Variants in FMO4 observed in about 807,000 individuals in gnomAD.
FMO4 encodes the protein flavin containing dimethylaniline monoxygenase 4.
In FMO4, 38 loss-of-function variants were observed where a neutral mutation model predicts 43.3. That is an observed-to-expected ratio of 0.88 (90% CI 0.68 to 1.15). The LOEUF (loss-of-function observed/expected upper bound fraction) is 1.15. Among genes scored for constraint, FMO4 ranks in the 50% most tolerant of loss-of-function variants. The pLI is 0.00. For synonymous variants in FMO4, 224 were observed against 232.2 expected (o/e 0.96, Z 0.32); for missense variants, 631 against 663.3 (o/e 0.95, Z 0.54).
intron 5 of FMO4, 49 bp downstream of exon 5, chr1:171,324,349 G>C: frequency 7.0e-7 from 1 of 1,437,884 alleles, no homozygotes; most frequent in Admixed American, 2.3e-5. Flanking sequence ...GGTTCTTCTA[G>C]AAGTAAACTT....
In FMO4 at chr1:171,331,794, C is replaced by G; in HGVS notation, c.627+12C>G. The G allele has an allele frequency of 6.2e-7, 1 of 1,612,532 alleles. No individual in the cohort carries two copies. The highest frequency in any genetic ancestry group is 8.5e-7 in the Non-Finnish European group (1 of 1,178,824). ...GAACGGCAGCTCAGGTACATCATCT[C>G]TGAATTAATGCCCCTAATCCCATCA... On this transcript the variant is annotated intron_variant, in intron 6 of 9. Transcript: ENST00000367749.
At chr1:171,335,245 G>A (rs775788077) in intron 8 of FMO4, among the ~76,000 whole-genome samples, 8 of 152,148 alleles carry the variant, frequency 5.3e-5, no homozygotes, top group Non-Finnish European at 1.0e-4. Context: ...TCAGAGCTAC[G>A]GAGGTCCAAT....
intron 3 of FMO4, among the ~76,000 whole-genome samples, chr1:171,321,025 C>T (rs1662402463): frequency 2.0e-5 from 3 of 151,640 alleles, no homozygotes; most frequent in African/African-American, 7.3e-5. Flanking sequence ...GTAACCATAA[C>T]CCTAGGATTA....
chr1:171,319,793 G>T, intron 2 of FMO4, 25 bp from the exon 3 acceptor site: 1 of 1,609,814 alleles, frequency 6.2e-7, no homozygotes, highest in Non-Finnish European at 8.5e-7. Flanking sequence ...AAATAAAGAA[G>T]TTCTGCTTGA....
Position 171,337,487 on chromosome 1 carries a change from C to A in FMO4, c.1250+62C>A, listed in dbSNP as rs567230609. 98 of 1,192,784 alleles carry A rather than the reference C, an allele frequency of 8.2e-5. No individual in the cohort carries two copies. In the South Asian group the frequency reaches 1.2e-3, roughly 14 times the overall value. The allele number at this position is 1,192,784 out of a possible 1,614,324, so 73.9% of individuals were successfully genotyped here. A position where few individuals can be genotyped will look rare whatever the true frequency, so the allele number is the denominator to read the frequency against. On this transcript the variant is annotated intron_variant, in intron 9 of 9. Coordinates refer to ENST00000367749, the MANE Select transcript of FMO4 (RefSeq NM_002022.3). ...TATATTCTGTTACAAAAAAAGGATT[C>A]AGAGTATAAAAGCCATTCCTAGAGA...
chr1:171,320,381 T>A (rs1175627594), intron 3 of FMO4, among the ~76,000 whole-genome samples: 3 of 151,980 alleles, frequency 2.0e-5, no homozygotes, highest in East Asian at 3.9e-4. Context: ...ATTGTTCAGG[T>A]CTTTAGGAAC....
intron 2 of FMO4, among the ~76,000 whole-genome samples, chr1:171,317,855 T>C (rs1662258476): frequency 6.6e-6 from 1 of 152,174 alleles, no homozygotes; most frequent in Non-Finnish European, 1.5e-5. Context: ...TCTAAATGCT[T>C]TGAATCAAAA....
At chr1:171,316,448 A>G (rs1247092901) in intron 2 of FMO4, 121 bp downstream of exon 2, 2 of 152,250 alleles carry the variant, frequency 1.3e-5, no homozygotes, top group Non-Finnish European at 2.9e-5. Flanking sequence ...AACACTGAGT[A>G]AATATTTTGT....
In FMO4 at chr1:171,322,802, A is replaced by C. The variant is rs1399420469; in HGVS notation, c.133-202A>C. Among the ~76,000 whole-genome samples, 6 of 152,208 alleles carry C rather than the reference A, an allele frequency of 3.9e-5. No individual in the cohort carries two copies. In the East Asian group the frequency reaches 1.2e-3, roughly 29 times the overall value. On this transcript the variant is annotated intron_variant, in intron 3 of 9. Transcript: ENST00000367749. ...CGGGAGGCAGAGTTTGCAGTGAGTCAAAATCGCACCACTGCACTCTAGCCT... is the reference window on the plus strand; with the variant it reads ...CGGGAGGCAGAGTTTGCAGTGAGTCCAAATCGCACCACTGCACTCTAGCCT...
chr1:171,330,569 A>AAG (rs1200749623), intron 5 of FMO4, among the ~76,000 whole-genome samples: 1 of 152,208 alleles, frequency 6.6e-6, no homozygotes, highest in Non-Finnish European at 1.5e-5. Context: ...GGTGGCAGGC[A>AAG]AGAGAGAGAG....
At position 171,316,820 on chromosome 1, in the gene FMO4, C is replaced by T. The variant is rs182952387; in HGVS notation, c.-9+493C>T. 8.5e-5 allele frequency among the ~76,000 whole-genome samples: 13 copies of T among 152,328 alleles called. No individual in the cohort carries two copies. The East Asian group carries it at 2.3e-3, about 27-fold the overall frequency. Reference sequence around the variant, plus strand: ...GCAGCCCTAGGAAATCCTTCTGATCCTCATTGCAAGTTCATGAATCTGCCT... The same window carrying T: ...GCAGCCCTAGGAAATCCTTCTGATCTTCATTGCAAGTTCATGAATCTGCCT... On this transcript the variant is annotated intron_variant, in intron 2 of 9. Coordinates refer to ENST00000367749, the MANE Select transcript of FMO4 (RefSeq NM_002022.3).
rs529964492 is a variant in FMO4, at chr1:171,332,888, T to C, written c.807T>C (p.Tyr269=). ...KLNKRFNHED[Y]GLSITKGKKA... ...ATAAGAGATTTAATCATGAGGATTA[T>C]GGATTAAGTATTACCAAAGGGTACT... Residue 269 remains tyrosine, a synonymous_variant, in exon 7 of 10, where the codon TAT becomes TAC. Coordinates refer to ENST00000367749, the MANE Select transcript of FMO4 (RefSeq NM_002022.3). The C allele has an allele frequency of 1.4e-6, 2 of 1,434,252 alleles. No individual in the cohort carries two copies. Among genetic ancestry groups the C allele is most frequent in the Middle Eastern group, 1.8e-4 (1 of 5,684 alleles). The allele number at this position is 1,434,252 out of a possible 1,614,324, so 88.8% of individuals were successfully genotyped here. A position where few individuals can be genotyped will look rare whatever the true frequency, so the allele number is the denominator to read the frequency against.
chr1:171,317,822 C>G (rs536887910), intron 2 of FMO4, among the ~76,000 whole-genome samples: 4 of 152,252 alleles, frequency 2.6e-5, no homozygotes, highest in South Asian at 2.1e-4. Flanking sequence ...AAGGCATGAC[C>G]GTGACCAGCT....
Position 171,334,518 on chromosome 1 carries a change from T to C in FMO4, c.935T>C (p.Phe312Ser), listed in dbSNP as rs1204618287. Residue 312 changes from phenylalanine to serine, a missense_variant, in exon 8 of 10, where the codon TTT becomes TCT. Physicochemically the swap from Phe to Ser is radical, Grantham distance 155. Transcript: ENST00000367749. ...VIEFTETSAV[F>S]EDGTVEENID... ...GAATTTACAGAAACCTCTGCTGTCT[T>C]TGAAGATGGGACAGTGGAAGAAAAC... is the stretch of plus-strand genomic sequence containing the variant. 1 of 1,613,750 alleles carries C rather than the reference T, an allele frequency of 6.2e-7. No individual in the cohort carries two copies. The highest frequency in any genetic ancestry group is 8.5e-7 in the Non-Finnish European group (1 of 1,179,674).
At chr1:171,315,798 G>T (rs1662174375) in intron 1 of FMO4, among the ~76,000 whole-genome samples, 1 of 152,068 alleles carries the variant, frequency 6.6e-6, no homozygotes, top group Non-Finnish European at 1.5e-5. Flanking sequence ...AAGTGCTTTT[G>T]CCCAGCACGT....
intron 5 of FMO4, 83 bp from the exon 6 acceptor site, chr1:171,331,557 C>G (rs1406423471): frequency 7.2e-7 from 1 of 1,392,234 alleles, no homozygotes; most frequent in Admixed American, 1.8e-5. Context: ...TGGGACTTCC[C>G]TTTTTCCACA....
chr1:171,326,070 A>G (rs1006489504), intron 5 of FMO4, among the ~76,000 whole-genome samples: 1 of 149,906 alleles, frequency 6.7e-6, no homozygotes, highest in African/African-American at 2.4e-5. Context: ...CTGGTTTCAA[A>G]CTCCTGGGCT....
At chr1:171,325,330 C>T (rs1246242151) in intron 5 of FMO4, among the ~76,000 whole-genome samples, 1 of 152,052 alleles carries the variant, frequency 6.6e-6, no homozygotes, top group Non-Finnish European at 1.5e-5. Flanking sequence ...TAAAATTAAT[C>T]AATTGAGGAT....
chr1:171,337,397 G>A lies in FMO4; in HGVS notation c.1222G>A (p.Ala408Thr), dbSNP rs144924333. 6.6e-5 allele frequency: 107 copies of A among 1,612,880 alleles called. No individual in the cohort carries two copies. The East Asian group carries it at 2.3e-3, about 35-fold the overall frequency. ...TCCATCCCAAAAATTGATGATGGAGGCTACTGAAAAGGAACAGCTCATTAA... is the reference window on the plus strand; with the variant it reads ...TCCATCCCAAAAATTGATGATGGAGACTACTGAAAAGGAACAGCTCATTAA... ...IPPSQKLMME[A>T]TEKEQLIKRG... Residue 408 changes from alanine (A) to threonine (T), a missense_variant, in exon 9 of 10, where the codon GCT becomes ACT. Transcript: ENST00000367749.
Sources: gnomAD v4.1 joint callset for allele counts (sites outside exome capture counted in the v4.1 genomes callset) on GRCh38, gnomAD v4.1.1 for gene constraint, MANE v1.5 for transcripts, NCBI Gene and HGNC (gene_info 2026-07-23, HGNC 2026-07-21) for gene names.